GALNT17: variants seen among roughly 807,000 people sequenced by gnomAD.
The protein encoded by GALNT17 is polypeptide N-acetylgalactosaminyltransferase 17.
Under a neutral mutation model 63.7 loss-of-function variants are expected in GALNT17, and 29 were observed. That is an observed-to-expected ratio of 0.46 (90% CI 0.34 to 0.62). The LOEUF is 0.62. Ranked by LOEUF, GALNT17 falls within the 20% of genes least tolerant of loss-of-function variation. The pLI is 0.01. For synonymous variants in GALNT17, 305 were observed against 318.3 expected, an observed-to-expected ratio of 0.96 and a Z score of 0.45; for missense variants, 603 against 799.6, an observed-to-expected ratio of 0.75 and a Z score of 2.97.
At chr7:71,210,680 T>G (rs1470164133) in intron 1 of GALNT17, among the ~76,000 whole-genome samples, 1 of 151,918 alleles carries the variant, frequency 6.6e-6, no homozygotes, top group African/African-American at 2.4e-5. Flanking sequence ...ACAGGAGAGG[T>G]TGTTTGGGTT....
chr7:71,355,837 C>G (rs911464907), intron 2 of GALNT17, among the ~76,000 whole-genome samples: 1 of 151,888 alleles, frequency 6.6e-6, no homozygotes, highest in Non-Finnish European at 1.5e-5. Flanking sequence ...CCAGCAGATT[C>G]TATTTTACAA....
At chr7:71,684,963 C>T (rs559812719) in intron 9 of GALNT17, among the ~76,000 whole-genome samples, 1,725 of 119,476 alleles carry the variant, frequency 0.014, 15 homozygotes, top group Non-Finnish European at 0.027. Context: ...CCTTGCCTGG[C>T]ACCACCTGCT....
chr7:71,333,487 G>A (rs116933115), intron 1 of GALNT17, among the ~76,000 whole-genome samples: 1,582 of 152,186 alleles, frequency 0.01, 15 homozygotes, highest in Non-Finnish European at 0.016. Flanking sequence ...ATTTTTCTTG[G>A]GTGGAAATTT....
chr7:71,457,256 T>A (rs1348569457), intron 5 of GALNT17, among the ~76,000 whole-genome samples: 1 of 152,188 alleles, frequency 6.6e-6, no homozygotes, highest in East Asian at 1.9e-4. Context: ...AGGGGAGATA[T>A]GCACCTCTTT....
chr7:71,199,967 T>C (rs1455991656), intron 1 of GALNT17, among the ~76,000 whole-genome samples: 2 of 152,122 alleles, frequency 1.3e-5, no homozygotes, highest in Non-Finnish European at 2.9e-5. Flanking sequence ...TCTAGTGAGT[T>C]GAGATAATAG....
chr7:71,433,884 G>A (rs1206056694), intron 5 of GALNT17, among the ~76,000 whole-genome samples: 1 of 152,188 alleles, frequency 6.6e-6, no homozygotes, highest in East Asian at 1.9e-4. Context: ...GACTGGGAGA[G>A]GCAGACCCAC....
intron 2 of GALNT17, among the ~76,000 whole-genome samples, chr7:71,373,830 G>T (rs1365967099): frequency 6.6e-6 from 1 of 152,046 alleles, no homozygotes; most frequent in African/African-American, 2.4e-5. Context: ...AAATGTTGGG[G>T]GCCGTTGCTC....
chr7:71,541,638 G>A (rs1320927448), intron 5 of GALNT17, among the ~76,000 whole-genome samples: 1 of 152,022 alleles, frequency 6.6e-6, no homozygotes, highest in African/African-American at 2.4e-5. Context: ...TCTGCCCCCG[G>A]CTTCACCTCA....
intron 1 of GALNT17, among the ~76,000 whole-genome samples, chr7:71,281,239 G>A (rs966741549): frequency 1.3e-5 from 2 of 152,220 alleles, no homozygotes; most frequent in African/African-American, 4.8e-5. Context: ...CTAAGACTGT[G>A]ATCCTGATGG....
In GALNT17 at chr7:71,423,165, C is replaced by G. The variant is rs115218570; in HGVS notation, c.962+2060C>G. On this transcript the variant is annotated intron_variant, in intron 5 of 10. Transcript: ENST00000333538. ...ATGGTGGGCCAAAGGGCAACTTTTTCAGTGCGAAAACAGAAATACCTGTCC... is the reference window on the plus strand; with the variant it reads ...ATGGTGGGCCAAAGGGCAACTTTTTGAGTGCGAAAACAGAAATACCTGTCC... Among the ~76,000 whole-genome samples the G allele has an allele frequency of 7.0e-3, 1,069 of 152,280 alleles. 18 individuals carry two copies. Among genetic ancestry groups the G allele is most frequent in the African/African-American group, 0.024 (1,016 of 41,556 alleles).
At chr7:71,348,698 G>T (rs1404948697) in intron 2 of GALNT17, among the ~76,000 whole-genome samples, 1 of 152,198 alleles carries the variant, frequency 6.6e-6, no homozygotes. Flanking sequence ...ACTGGCTGTT[G>T]TTGCTTCTGC....
At chr7:71,325,882 A>G (rs1791696555) in intron 1 of GALNT17, among the ~76,000 whole-genome samples, 1 of 152,158 alleles carries the variant, frequency 6.6e-6, no homozygotes, top group Non-Finnish European at 1.5e-5. Context: ...GGTTATTTTT[A>G]TTTATGTTTC....
intron 5 of GALNT17, among the ~76,000 whole-genome samples, chr7:71,447,133 A>C (rs1787175906): frequency 6.6e-6 from 1 of 152,220 alleles, no homozygotes; most frequent in African/African-American, 2.4e-5. Context: ...GATTACCCAG[A>C]GTAAGCATTC....
intron 1 of GALNT17, among the ~76,000 whole-genome samples, chr7:71,236,646 C>T (rs187282150): frequency 6.6e-6 from 1 of 152,278 alleles, no homozygotes; most frequent in Admixed American, 6.5e-5. Context: ...ACTCCTGGAT[C>T]GCAGGATGCA....
chr7:71,562,001 G>A (rs777535120), intron 5 of GALNT17, among the ~76,000 whole-genome samples: 1 of 151,898 alleles, frequency 6.6e-6, no homozygotes, highest in Non-Finnish European at 1.5e-5. Context: ...TGTCACCCAG[G>A]CTGGAGTGCA....
intron 1 of GALNT17, among the ~76,000 whole-genome samples, chr7:71,176,243 C>T (rs552441894): frequency 2.8e-4 from 42 of 152,162 alleles, no homozygotes; most frequent in Admixed American, 7.2e-4. Context: ...CATATACCGC[C>T]GCTGTCGCCC....
At position 71,401,091 on chromosome 7, in the gene GALNT17, CTTTT is replaced by C. The variant is rs1472181772; in HGVS notation, c.589+12692_589+12695del. Among the ~76,000 whole-genome samples, 6 of 144,160 alleles carry C rather than the reference CTTTT, an allele frequency of 4.2e-5. No homozygotes were observed. The East Asian group carries it at 1.0e-3, about 24-fold the overall frequency. The allele number at this position is 144,160 out of a possible 152,430, so 94.6% of individuals were successfully genotyped here. Reference sequence around the variant, plus strand: ...GTGTCCTCAATACTCTTTTCTTTTTCTTTTTCTTTTTTTTTTTTTTCTGAGACAG... The same window carrying C: ...GTGTCCTCAATACTCTTTTCTTTTTCTCTTTTTTTTTTTTTTCTGAGACAG... On this transcript the variant is annotated intron_variant, in intron 3 of 10. Transcript: ENST00000333538.
chr7:71,615,501 G>T, intron 6 of GALNT17, among the ~76,000 whole-genome samples: 1 of 112,104 alleles, frequency 8.9e-6, no homozygotes. Context: ...TTTTGAGACA[G>T]AGTCTTACTC....
intron 1 of GALNT17, among the ~76,000 whole-genome samples, chr7:71,303,762 A>G (rs538769036): frequency 1.3e-5 from 2 of 152,118 alleles, no homozygotes; most frequent in Non-Finnish European, 2.9e-5. Context: ...AATTTGATGA[A>G]GAGCCACATT....
Sources: gnomAD v4.1 joint callset for allele counts (sites outside exome capture counted in the v4.1 genomes callset) on GRCh38, gnomAD v4.1.1 for gene constraint, MANE v1.5 for transcripts, NCBI Gene and HGNC (gene_info 2026-07-23, HGNC 2026-07-21) for gene names.